Variants in NUP35 observed in about 807,000 individuals in gnomAD.
NUP35 encodes nucleoporin 35, also known as nucleoporin NUP35.
In NUP35, 25 loss-of-function variants were observed where a neutral mutation model predicts 41.5. The observed-to-expected ratio is 0.60, with a 90% CI of 0.44 to 0.84. The LOEUF (loss-of-function observed/expected upper bound fraction) is 0.84. Among genes scored for constraint, NUP35 ranks in the 40% least tolerant of loss-of-function variants. The probability of loss-of-function intolerance (pLI) is 0.00; values close to 1 mark genes in which losing one functional copy is unlikely to be tolerated. For synonymous variants in NUP35, 149 were observed against 130.7 expected (o/e 1.14, Z -0.96); for missense variants, 396 against 396.6 (o/e 1.00, Z 0.01).
intron 4 of NUP35, among the ~76,000 whole-genome samples, chr2:183,137,882 C>A (rs1449227089): frequency 3.3e-5 from 5 of 151,598 alleles, no homozygotes; most frequent in Admixed American, 2.6e-4. Flanking sequence ...TTTAATTTTC[C>A]TACCGTTGTC....
At chr2:183,137,707 C>G (rs561078672) in intron 4 of NUP35, among the ~76,000 whole-genome samples, 4 of 151,764 alleles carry the variant, frequency 2.6e-5, no homozygotes, top group South Asian at 2.1e-4. Flanking sequence ...GTGGGAAGAC[C>G]GCTTGAGCCG....
intron 1 of NUP35, 89 bp from the exon 2 acceptor site, chr2:183,128,198 A>T (rs1684565713): frequency 9.0e-7 from 1 of 1,111,518 alleles, no homozygotes; most frequent in African/African-American, 1.6e-5. Context: ...AATTTGCAAA[A>T]TTATGTTAGA....
chr2:183,133,350 ACTTTT>A (rs1430509711), intron 3 of NUP35, among the ~76,000 whole-genome samples: 2 of 148,524 alleles, frequency 1.3e-5, no homozygotes, highest in Non-Finnish European at 3.0e-5. Flanking sequence ...ACATAATATG[ACTTTT>A]CTTATTTTAA....
At chr2:183,144,773 A>C (rs1248014664) in intron 4 of NUP35, among the ~76,000 whole-genome samples, 1 of 152,212 alleles carries the variant, frequency 6.6e-6, no homozygotes, top group Admixed American at 6.5e-5. Flanking sequence ...TTAGTGGAGC[A>C]ATTAAACATT....
At chr2:183,132,166 A>G (rs894181731) in intron 3 of NUP35, among the ~76,000 whole-genome samples, 3 of 151,900 alleles carry the variant, frequency 2.0e-5, no homozygotes, top group Admixed American at 6.6e-5. Context: ...GGGACTACAG[A>G]TGTGGACCAC....
rs748193659 is a variant in NUP35 at position 183,151,478 on chromosome 2, G to A, written c.398-30G>A. 8 of 1,603,114 alleles carry A rather than the reference G, an allele frequency of 5.0e-6. No individual in the cohort carries two copies. In the Admixed American group the frequency reaches 1.4e-4, roughly 28 times the overall value. Reference sequence around the variant, plus strand: ...AGAATCAATCGAGGTGTTTACACTGGCAACTAACTTGCTAAATATACTAAT... The same window carrying A: ...AGAATCAATCGAGGTGTTTACACTGACAACTAACTTGCTAAATATACTAAT... On this transcript the variant is annotated intron_variant, in intron 4 of 8. Transcript: ENST00000295119.
chr2:183,133,907 G>A (rs1036646672), intron 4 of NUP35, among the ~76,000 whole-genome samples: 6 of 152,172 alleles, frequency 3.9e-5, no homozygotes, highest in African/African-American at 1.4e-4. Context: ...GTATGGTGGG[G>A]TGAATATTCA....
rs533832856 is a variant in NUP35, at chr2:183,126,124, C to T, written c.40+1627C>T. 5.3e-5 allele frequency among the ~76,000 whole-genome samples: 8 copies of T among 152,266 alleles called. No homozygotes were observed. In the East Asian group the frequency reaches 1.5e-3, roughly 29 times the overall value. On this transcript the variant is annotated intron_variant, in intron 1 of 8. Coordinates refer to ENST00000295119, the MANE Select transcript of NUP35 (RefSeq NM_138285.5). ...CAGTCTCAGCTCACTGCAACCTCCC[C>T]CTCCGGGCTCAAGCAATCCTCCCAC...
At chr2:183,130,858 ATTGT>A (rs1211697838) in intron 3 of NUP35, 4 of 761,154 alleles carry the variant, frequency 5.3e-6, no homozygotes, top group Admixed American at 3.8e-5. Flanking sequence ...AATCATTCTG[ATTGT>A]TTAAGAAGTT....
chr2:183,136,167 T>A (rs1307561305), intron 4 of NUP35, among the ~76,000 whole-genome samples: 1 of 152,240 alleles, frequency 6.6e-6, no homozygotes, highest in East Asian at 1.9e-4. Flanking sequence ...ACTGCCTGAT[T>A]TCTAAAGCCA....
rs560851735 is a variant in NUP35 at position 183,155,017 on chromosome 2, C to G, written c.540-2427C>G. Among the ~76,000 whole-genome samples, 4 of 138,906 alleles carry G rather than the reference C, an allele frequency of 2.9e-5. No homozygotes were observed. In the Admixed American group the frequency reaches 2.9e-4, roughly 10 times the overall value. 91.1% of individuals were successfully genotyped at this position (138,906 alleles called of 152,430 possible). A position where few individuals can be genotyped will look rare whatever the true frequency, so the allele number is the denominator to read the frequency against. On this transcript the variant is annotated intron_variant, in intron 5 of 8. Coordinates refer to ENST00000295119, the MANE Select transcript of NUP35 (RefSeq NM_138285.5). ...CGCGTCAGATCTTGTGAGACTTACT[C>G]ACTATCATGAGAATAGCATAGGAAA... is the stretch of plus-strand genomic sequence containing the variant.
intron 3 of NUP35, chr2:183,131,100 T>C (rs1346966772): frequency 2.7e-6 from 1 of 375,804 alleles, no homozygotes; most frequent in South Asian, 2.0e-5. Context: ...CTGCCTCAAC[T>C]GTCCTATTGG....
At chr2:183,123,304 G>T (rs551434972), upstream of NUP35, among the ~76,000 whole-genome samples, 5 of 152,272 alleles carry the variant, frequency 3.3e-5, no homozygotes, top group East Asian at 9.6e-4. Flanking sequence ...GACTTTATCT[G>T]AACTTTATTA....
At chr2:183,152,890 G>C (rs1240952045) in intron 5 of NUP35, among the ~76,000 whole-genome samples, 1 of 152,106 alleles carries the variant, frequency 6.6e-6, no homozygotes, top group African/African-American at 2.4e-5. Flanking sequence ...AGTATGATTT[G>C]CCATACTGTA....
chr2:183,153,508 A>G lies in NUP35; in HGVS notation c.539+1859A>G, dbSNP rs1352844501. ...AGAAATTGGCCAAAACAGAGGGGTTATAGGCCCCATGCAAGTTCAAAATCC... is the reference window on the plus strand; with the variant it reads ...AGAAATTGGCCAAAACAGAGGGGTTGTAGGCCCCATGCAAGTTCAAAATCC... On this transcript the variant is annotated intron_variant, in intron 5 of 8. Coordinates refer to ENST00000295119, the MANE Select transcript of NUP35 (RefSeq NM_138285.5). 3.9e-5 allele frequency among the ~76,000 whole-genome samples: 6 copies of G among 152,150 alleles called. No individual in the cohort carries two copies. In the East Asian group the frequency reaches 1.2e-3, roughly 29 times the overall value.
chr2:183,152,262 C>CTT (rs1685498492), intron 5 of NUP35, among the ~76,000 whole-genome samples: 1 of 151,984 alleles, frequency 6.6e-6, no homozygotes, highest in Middle Eastern at 3.4e-3. Flanking sequence ...CCAAAAAAAA[C>CTT]TTTAAAATGC....
intron 4 of NUP35, among the ~76,000 whole-genome samples, chr2:183,137,719 G>A (rs560614437): frequency 1.3e-5 from 2 of 152,108 alleles, no homozygotes; most frequent in East Asian, 3.9e-4. Context: ...CTTGAGCCGG[G>A]GAGTTTAAGG....
chr2:183,157,281 C>G (rs1685697396), intron 5 of NUP35, among the ~76,000 whole-genome samples, 163 bp from the exon 6 acceptor site: 1 of 152,112 alleles, frequency 6.6e-6, no homozygotes, highest in Admixed American at 6.5e-5. Flanking sequence ...TGACTAGTCA[C>G]TGACAGAATT....
intron 4 of NUP35, among the ~76,000 whole-genome samples, chr2:183,135,868 A>G (rs1684857173): frequency 6.6e-6 from 1 of 152,084 alleles, no homozygotes; most frequent in Non-Finnish European, 1.5e-5. Flanking sequence ...ATCTCAAGAA[A>G]AAAGTAAATA....
Sources: allele counts gnomAD v4.1 joint callset (sites outside exome capture counted in the v4.1 genomes callset), GRCh38; gene constraint gnomAD v4.1.1; transcripts MANE v1.5; gene names NCBI Gene and HGNC (gene_info 2026-07-23, HGNC 2026-07-21).